The following SCARB2 variants were observed in gnomAD, a reference collection of about 807,000 sequenced individuals.
SCARB2 encodes the protein scavenger receptor class B member 2, also known as lysosome membrane protein 2.
SCARB2 carries 29 observed loss-of-function variants against 58.6 expected under a neutral mutation model. That is an observed-to-expected ratio of 0.49 (90% CI 0.37 to 0.67). SCARB2 has a LOEUF of 0.67. SCARB2 is among the 30% of genes least tolerant of loss of function. The pLI is 0.00. For missense variants in SCARB2, 488 were observed against 578.5 expected (o/e 0.84, Z 1.60); for synonymous variants, 195 against 210.1 (o/e 0.93, Z 0.62).
At chr4:76,211,301 A>T (rs1293055454) in intron 1 of SCARB2, among the ~76,000 whole-genome samples, 1 of 152,242 alleles carries the variant, frequency 6.6e-6, no homozygotes, top group Non-Finnish European at 1.5e-5. Context: ...ACTGTGCCCA[A>T]GTTAGCTAAC....
chr4:76,182,330 T>A (rs1197722469), intron 2 of SCARB2, among the ~76,000 whole-genome samples: 2 of 152,344 alleles, frequency 1.3e-5, no homozygotes, highest in East Asian at 3.9e-4. Context: ...GTGTAAAATA[T>A]ATACAGAATT....
intron 1 of SCARB2, among the ~76,000 whole-genome samples, chr4:76,226,123 G>A (rs1251255018): frequency 6.6e-6 from 1 of 152,066 alleles, no homozygotes; most frequent in Non-Finnish European, 1.5e-5. Flanking sequence ...AAAGGAATGA[G>A]ACAAGACAAG....
intron 4 of SCARB2, among the ~76,000 whole-genome samples, chr4:76,177,484 T>C (rs186284691): frequency 7.9e-5 from 12 of 152,316 alleles, no homozygotes; most frequent in Admixed American, 1.3e-4. Context: ...ACAGAATTCA[T>C]AGGACTCCAA....
intron 4 of SCARB2, chr4:76,179,076 C>T (rs1283083981): frequency 6.1e-6 from 1 of 164,232 alleles, no homozygotes; most frequent in Non-Finnish European, 1.3e-5. Flanking sequence ...CTTTTTTAGA[C>T]AGAGTCTTGC....
chr4:76,179,047 GTTTTTGTT>G (rs112844328), intron 4 of SCARB2: 17,207 of 154,854 alleles, frequency 0.11, 1,148 homozygotes, highest in East Asian at 0.22. Flanking sequence ...TTTTGTTTTT[GTTTTTGTT>G]TTTTTTTTGG....
intron 7 of SCARB2, among the ~76,000 whole-genome samples, chr4:76,171,998 G>A (rs1226815649): frequency 6.7e-6 from 1 of 149,368 alleles, no homozygotes; most frequent in African/African-American, 2.5e-5. Context: ...ACGTGTGTGT[G>A]TATACCTATA....
chr4:76,166,608 AGAGTGT>A, intron 9 of SCARB2: 2 of 466,340 alleles, frequency 4.3e-6, no homozygotes, highest in South Asian at 4.3e-5. Flanking sequence ...GTCACTCCTC[AGAGTGT>A]TTTGTAACTA....
chr4:76,163,967 T>G (rs1170973569), intron 10 of SCARB2: 1 of 158,940 alleles, frequency 6.3e-6, no homozygotes, highest in Non-Finnish European at 1.4e-5. Context: ...AAAAATGGTA[T>G]GTGGAAAGTA....
chr4:76,165,979 TTC>T (rs760826529), intron 10 of SCARB2: 6 of 551,992 alleles, frequency 1.1e-5, no homozygotes, highest in South Asian at 2.1e-5. Flanking sequence ...TTTTACCTGT[TTC>T]TGTTTCCTAC....
intron 2 of SCARB2, among the ~76,000 whole-genome samples, chr4:76,188,785 T>C (rs1034173617): frequency 3.9e-5 from 6 of 152,168 alleles, no homozygotes; most frequent in Non-Finnish European, 7.3e-5. Flanking sequence ...ACAGGCCCCA[T>C]AGAAGGTTTG....
intron 2 of SCARB2, chr4:76,194,147 A>G (rs1194863807): frequency 6.6e-6 from 1 of 152,254 alleles, no homozygotes; most frequent in Non-Finnish European, 1.5e-5. Context: ...TGCCATGAGT[A>G]AAAGCTCCTT....
At chr4:76,204,944 G>A (rs983219945) in intron 1 of SCARB2, among the ~76,000 whole-genome samples, 13 of 152,272 alleles carry the variant, frequency 8.5e-5, no homozygotes, top group African/African-American at 2.9e-4. Context: ...GGGAGGACTG[G>A]TGAGATGTTA....
intron 1 of SCARB2, among the ~76,000 whole-genome samples, chr4:76,204,570 T>A (rs1461292343): frequency 6.6e-6 from 1 of 152,070 alleles, no homozygotes; most frequent in Non-Finnish European, 1.5e-5. Context: ...TGAGAACTGA[T>A]GACCTAAAGG....
intron 9 of SCARB2, among the ~76,000 whole-genome samples, chr4:76,167,387 C>T (rs998069211): frequency 6.6e-6 from 1 of 152,048 alleles, no homozygotes; most frequent in Non-Finnish European, 1.5e-5. Flanking sequence ...AATGGTTTAG[C>T]ACCATTCGCT....
intron 1 of SCARB2, among the ~76,000 whole-genome samples, chr4:76,206,126 A>C (rs1732926295): frequency 6.6e-6 from 1 of 152,166 alleles, no homozygotes; most frequent in African/African-American, 2.4e-5. Flanking sequence ...CTCATTTGCC[A>C]TGTGAGGTTA....
rs569175143 is a variant in SCARB2 at position 76,196,515 on chromosome 4, G to A, written c.118-651C>T. On this transcript the variant is annotated intron_variant, in intron 1 of 11. Transcript: ENST00000264896. ...TATTTTTGAAGATTCCATGGATGGT[G>A]TATCTTCTGTAGAAGTTAAGCAATT... Among the ~76,000 whole-genome samples, 8 of 152,262 alleles carry A rather than the reference G, an allele frequency of 5.3e-5. No homozygotes were observed. In the South Asian group the frequency reaches 1.7e-3, roughly 32 times the overall value.
rs753786043 is a variant in SCARB2, at chr4:76,182,778, C to T, written c.276-1677G>A. Among the ~76,000 whole-genome samples, 37 of 152,272 alleles carry T rather than the reference C, an allele frequency of 2.4e-4. 1 individual carries two copies. The highest frequency in any genetic ancestry group is 4.9e-4 in the Non-Finnish European group (33 of 68,026). ...CTGAAACTGGTACGTAAAAATGCGC[C>T]TCGGTGATGATGGAGTTATGTCCCA... On this transcript the variant is annotated intron_variant, in intron 2 of 11. Coordinates refer to ENST00000264896, the MANE Select transcript of SCARB2 (RefSeq NM_005506.4).
At chr4:76,178,101 T>C (rs2109945697) in intron 4 of SCARB2, among the ~76,000 whole-genome samples, 1 of 152,320 alleles carries the variant, frequency 6.6e-6, no homozygotes, top group East Asian at 1.9e-4. Context: ...CCAGAATAGC[T>C]ACACTGGAAG....
intron 2 of SCARB2, among the ~76,000 whole-genome samples, chr4:76,189,620 C>T (rs1201466410): frequency 6.6e-6 from 1 of 152,032 alleles, no homozygotes; most frequent in South Asian, 2.1e-4. Context: ...TGCCACCACA[C>T]CCAGCTAATT....
Sources: allele counts gnomAD v4.1 joint callset (sites outside exome capture counted in the v4.1 genomes callset), GRCh38; gene constraint gnomAD v4.1.1; transcripts MANE v1.5; gene names NCBI Gene and HGNC (gene_info 2026-07-23, HGNC 2026-07-21).